The following PSMD4 variants were observed in gnomAD, a reference collection of about 807,000 sequenced individuals.
PSMD4 encodes the protein proteasome 26S subunit ubiquitin receptor, non-ATPase 4, also known as 26S proteasome non-ATPase regulatory subunit 4.
A neutral mutation model predicts 39.7 loss-of-function variants in PSMD4; 5 were observed. The ratio of observed to expected loss-of-function variants is 0.13; its 90% CI spans 0.07 to 0.26. The LOEUF (loss-of-function observed/expected upper bound fraction) is 0.26. PSMD4 is among the 10% of genes least tolerant of loss of function. The pLI is 1.00. For synonymous variants in PSMD4, 143 were observed against 174.6 expected, an observed-to-expected ratio of 0.82 and a Z score of 1.43; for missense variants, 272 against 486.1, an observed-to-expected ratio of 0.56 and a Z score of 4.14.
At chr1:151,263,858 G>A in intron 2 of PSMD4, 56 bp from the exon 3 acceptor site, 1 of 1,221,626 alleles carries the variant, frequency 8.2e-7, no homozygotes, top group Non-Finnish European at 1.2e-6. Context: ...GTTAGACACA[G>A]TTTAGAGGTA....
chr1:151,265,119 C>G lies in PSMD4; in HGVS notation c.370-47C>G, dbSNP rs753091565. On this transcript the variant is annotated intron_variant, in intron 4 of 9. Coordinates refer to ENST00000368884, the MANE Select transcript of PSMD4 (RefSeq NM_002810.4). ...TTTTATGCGGCGGGTCCTTTCCCCC[C>G]CTCGAGTATGGAACAGATTTCTTGA... 100 of 1,534,860 alleles carry G rather than the reference C, an allele frequency of 6.5e-5. 1 individual carries two copies. The East Asian group carries it at 1.8e-3, about 28-fold the overall frequency.
At chr1:151,263,513 T>A (rs992754383) in intron 2 of PSMD4, among the ~76,000 whole-genome samples, 4 of 149,554 alleles carry the variant, frequency 2.7e-5, no homozygotes, top group Admixed American at 6.7e-5. Flanking sequence ...AAATAATGGT[T>A]ATTATCCAGG....
rs376865448 is a variant in PSMD4, at chr1:151,254,778, G to T, written c.-5G>T. ...GACCCGGTCGGGAGGGAGGAAGGTG[G>T]CAAGATGGTGTTGGAAAGCACTATG... On this transcript the variant is annotated 5_prime_UTR_variant, in exon 1 of 10. Transcript: ENST00000368884. 2 of 1,565,380 alleles carry T rather than the reference G, an allele frequency of 1.3e-6. No individual in the cohort carries two copies. Among genetic ancestry groups the T allele is most frequent in the Non-Finnish European group, 8.6e-7 (1 of 1,156,682 alleles).
In PSMD4 at chr1:151,254,758, G is replaced by T. The variant is rs1260514165; in HGVS notation, c.-25G>T. 1.3e-6 allele frequency: 2 copies of T among 1,557,080 alleles called. No individual in the cohort carries two copies. The highest frequency in any genetic ancestry group is 2.0e-5 in the Admixed American group (1 of 51,084). Reference sequence around the variant, plus strand: ...TGTTGTTAGGCCGTCCCGGAGACCCGGTCGGGAGGGAGGAAGGTGGCAAGA... The same window carrying T: ...TGTTGTTAGGCCGTCCCGGAGACCCTGTCGGGAGGGAGGAAGGTGGCAAGA... On this transcript the variant is annotated 5_prime_UTR_variant, in exon 1 of 10. Coordinates refer to ENST00000368884, the MANE Select transcript of PSMD4 (RefSeq NM_002810.4).
At position 151,262,279 on chromosome 1, in the gene PSMD4, G is replaced by C. The variant is rs201739700; in HGVS notation, c.145G>C (p.Val49Leu). 1 of 1,614,170 alleles carries C rather than the reference G, an allele frequency of 6.2e-7. No individual in the cohort carries two copies. Among genetic ancestry groups the C allele is most frequent in the Non-Finnish European group, 8.5e-7 (1 of 1,180,040 alleles). ...SKTRSNPENNVGLITLANDCE... is the reference protein window; with the variant it reads ...SKTRSNPENNLGLITLANDCE... ...GACCCGCAGCAACCCTGAGAACAAC[G>C]TGGGCCTTATCACACTGGCTAAGTA... Residue 49 changes from valine to leucine, a missense_variant, in exon 2 of 10, where the codon GTG becomes CTG. Coordinates refer to ENST00000368884, the MANE Select transcript of PSMD4 (RefSeq NM_002810.4).
chr1:151,266,636 T>C, intron 9 of PSMD4, 49 bp downstream of exon 9: 1 of 1,588,712 alleles, frequency 6.3e-7, no homozygotes, highest in African/African-American at 1.3e-5. Context: ...TGAATTTAGA[T>C]CCTCATCCCT....
chr1:151,255,272 T>A (rs904595750), intron 1 of PSMD4, among the ~76,000 whole-genome samples: 2 of 152,236 alleles, frequency 1.3e-5, no homozygotes, highest in Admixed American at 1.3e-4. Flanking sequence ...TTGCTTTTTA[T>A]GTATCAGTCA....
intron 4 of PSMD4, 52 bp downstream of exon 4, chr1:151,264,970 G>C (rs765873710): frequency 2.6e-6 from 4 of 1,513,346 alleles, no homozygotes; most frequent in Non-Finnish European, 2.7e-6. Context: ...TTGGGACTGA[G>C]GTCTTCCAGC....
At chr1:151,259,842 A>G (rs186640270) in intron 1 of PSMD4, among the ~76,000 whole-genome samples, 37 of 152,202 alleles carry the variant, frequency 2.4e-4, no homozygotes, top group African/African-American at 8.2e-4. Flanking sequence ...CGGCCTCCCA[A>G]AGTGCTGGGA....
chr1:151,258,075 G>A (rs1453872935), intron 1 of PSMD4, among the ~76,000 whole-genome samples: 1 of 151,956 alleles, frequency 6.6e-6, no homozygotes, highest in Non-Finnish European at 1.5e-5. Flanking sequence ...CCAGGCTGGA[G>A]TGCAGTGGCG....
Position 151,265,626 on chromosome 1 carries a change from C to T in PSMD4, c.654+17C>T. 6.2e-7 allele frequency: 1 copy of T among 1,611,066 alleles called. No individual in the cohort carries two copies. The highest frequency in any genetic ancestry group is 2.2e-5 in the East Asian group (1 of 44,872). On this transcript the variant is annotated intron_variant, in intron 6 of 9. Coordinates refer to ENST00000368884, the MANE Select transcript of PSMD4 (RefSeq NM_002810.4). The stretch of plus-strand genomic sequence containing the variant: ...CTGGCCTTGGTGAGCAAATGTTGAC[C>T]CCAGGTAGAGTCCAAAGGTCCCTCT...
intron 1 of PSMD4, 146 bp from the exon 2 acceptor site, chr1:151,262,015 C>A: frequency 1.3e-6 from 1 of 764,870 alleles, no homozygotes; most frequent in Non-Finnish European, 2.0e-6. Context: ...TGGGCTAAGG[C>A]TTGATCATCT....
At chr1:151,256,368 TA>T (rs1558319383) in intron 1 of PSMD4, among the ~76,000 whole-genome samples, 8 of 99,040 alleles carry the variant, frequency 8.1e-5, no homozygotes, top group African/African-American at 2.5e-4. Flanking sequence ...AATAATAAAA[TA>T]AATAAATAAA....
chr1:151,260,199 C>CAA (rs750229890), intron 1 of PSMD4, among the ~76,000 whole-genome samples: 45 of 121,628 alleles, frequency 3.7e-4, no homozygotes, highest in African/African-American at 1.3e-3. Flanking sequence ...AACTCTGTCT[C>CAA]AAAAAAAAAA....
At position 151,264,858 on chromosome 1, in the gene PSMD4, G is replaced by T; in HGVS notation, c.309G>T (p.Lys103Asn). Reference protein sequence around the residue: ...AHLALKHRQGKNHKMRIIAFV... With the variant: ...AHLALKHRQGNNHKMRIIAFV... ...TGGCTCTGAAGCACCGACAAGGCAAGAATCACAAGATGCGCATCATTGCCT... is the reference window on the plus strand; with the variant it reads ...TGGCTCTGAAGCACCGACAAGGCAATAATCACAAGATGCGCATCATTGCCT... Residue 103 changes from lysine (K) to asparagine (N), a missense_variant, in exon 4 of 10, where the codon AAG becomes AAT. Transcript: ENST00000368884. 6.2e-7 allele frequency: 1 copy of T among 1,613,860 alleles called. No homozygotes were observed. The highest frequency in any genetic ancestry group is 8.5e-7 in the Non-Finnish European group (1 of 1,179,876).
Position 151,262,396 on chromosome 1 carries a change from T to G in PSMD4, c.167+95T>G, listed in dbSNP as rs182225362. On this transcript the variant is annotated intron_variant, in intron 2 of 9. Coordinates refer to ENST00000368884, the MANE Select transcript of PSMD4 (RefSeq NM_002810.4). ...CATGAAGCTGCTTTTGCCCATCACCTTCCTAGACTGCCTTCTGCACTATTT... is the reference window on the plus strand; with the variant it reads ...CATGAAGCTGCTTTTGCCCATCACCGTCCTAGACTGCCTTCTGCACTATTT... 2.7e-5 allele frequency: 40 copies of G among 1,460,920 alleles called. 1 individual carries two copies. The highest frequency in any genetic ancestry group is 3.5e-4 in the Middle Eastern group (2 of 5,784). 90.5% of individuals were successfully genotyped at this position (1,460,920 alleles called of 1,614,324 possible). A position where few individuals can be genotyped will look rare whatever the true frequency, so the allele number is the denominator to read the frequency against.
intron 2 of PSMD4, 127 bp from the exon 3 acceptor site, chr1:151,263,787 C>T (rs1007205396): frequency 2.0e-5 from 12 of 591,030 alleles, no homozygotes; most frequent in South Asian, 6.9e-5. Context: ...CCCGAGATCA[C>T]GCCACGCACT....
intron 1 of PSMD4, among the ~76,000 whole-genome samples, chr1:151,261,094 G>A (rs1571068754): frequency 6.6e-6 from 1 of 151,030 alleles, no homozygotes; most frequent in African/African-American, 2.4e-5. Context: ...TGATACACCC[G>A]CCTCCACCTC....
chr1:151,265,909 C>T, intron 6 of PSMD4, 95 bp from the exon 7 acceptor site: 1 of 1,434,120 alleles, frequency 7.0e-7, no homozygotes. Flanking sequence ...CAGAAGCTGC[C>T]CCTTTATGTT....
Sources: allele counts gnomAD v4.1 joint callset (sites outside exome capture counted in the v4.1 genomes callset), GRCh38; gene constraint gnomAD v4.1.1; transcripts MANE v1.5; gene names NCBI Gene and HGNC (gene_info 2026-07-23, HGNC 2026-07-21).